Variants in DNAI7 observed in about 807,000 individuals in gnomAD.
The protein encoded by DNAI7 is dynein axonemal intermediate chain 7.
Under a neutral mutation model 86.6 loss-of-function variants are expected in DNAI7, and 78 were observed. The ratio of observed to expected loss-of-function variants is 0.90; its 90% CI spans 0.75 to 1.09. The LOEUF is 1.09. Among genes scored for constraint, DNAI7 ranks in the 50% least tolerant of loss-of-function variants. The probability of loss-of-function intolerance (pLI) is 0.00; values close to 1 mark genes in which losing one functional copy is unlikely to be tolerated. For synonymous variants in DNAI7, 274 were observed against 273.0 expected, an observed-to-expected ratio of 1.00 and a Z score of -0.04; for missense variants, 753 against 810.2, an observed-to-expected ratio of 0.93 and a Z score of 0.86.
chr12:25,129,194 T>A (rs1046258387), intron 9 of DNAI7, among the ~76,000 whole-genome samples: 1 of 152,206 alleles, frequency 6.6e-6, no homozygotes, highest in Non-Finnish European at 1.5e-5. Flanking sequence ...AAACAGGCCC[T>A]CCCTAACTAC....
intron 12 of DNAI7, among the ~76,000 whole-genome samples, chr12:25,118,387 C>T (rs1342662412): frequency 6.6e-6 from 1 of 152,076 alleles, no homozygotes; most frequent in African/African-American, 2.4e-5. Context: ...CCTCAGCCTG[C>T]GGAGTAGCTG....
chr12:25,188,421 C>G (rs1219856527), intron 2 of DNAI7, among the ~76,000 whole-genome samples: 1 of 151,954 alleles, frequency 6.6e-6, no homozygotes, highest in Non-Finnish European at 1.5e-5. Context: ...TAATTTTGTA[C>G]CATGTGTGTT....
chr12:25,170,760 T>A (rs183981360), intron 2 of DNAI7, among the ~76,000 whole-genome samples: 1 of 151,994 alleles, frequency 6.6e-6, no homozygotes, highest in Non-Finnish European at 1.5e-5. Flanking sequence ...TTTAAGAAAA[T>A]TGAAATTTTA....
At chr12:25,171,680 A>G (rs781288189) in intron 2 of DNAI7, among the ~76,000 whole-genome samples, 1 of 152,156 alleles carries the variant, frequency 6.6e-6, no homozygotes, top group Non-Finnish European at 1.5e-5. Flanking sequence ...AAATAAAACT[A>G]CAGACCAATA....
At chr12:25,117,128 T>C (rs530752109) in intron 12 of DNAI7, among the ~76,000 whole-genome samples, 32 of 151,996 alleles carry the variant, frequency 2.1e-4, no homozygotes, top group African/African-American at 7.5e-4. Flanking sequence ...GAGATGGTGT[T>C]TCTCCATGTT....
intron 6 of DNAI7, among the ~76,000 whole-genome samples, chr12:25,150,606 A>AAAC (rs1347118495): frequency 6.8e-6 from 1 of 147,468 alleles, no homozygotes; most frequent in Non-Finnish European, 1.5e-5. Context: ...TGTCTCAAAA[A>AAAC]AAAAAAAAAA....
Position 25,121,928 on chromosome 12 carries a change from A to T in DNAI7, c.1079-15T>A. 1 of 1,537,396 alleles carries T rather than the reference A, an allele frequency of 6.5e-7. No homozygotes were observed. The highest frequency in any genetic ancestry group is 8.7e-7 in the Non-Finnish European group (1 of 1,144,730). Reference sequence around the variant, plus strand: ...CAACAACTGTGCTAAAATTAATCAGATTAACAGTTTTCAAATAGATTACAG... The same window carrying T: ...CAACAACTGTGCTAAAATTAATCAGTTTAACAGTTTTCAAATAGATTACAG... On this transcript the variant is annotated splice_polypyrimidine_tract_variant and intron_variant, in intron 10 of 15. Coordinates refer to ENST00000395987, the MANE Select transcript of DNAI7 (RefSeq NM_018272.5).
rs144189531 is a variant in DNAI7, at chr12:25,128,620, T to C, written c.1003-5334A>G. 7.2e-5 allele frequency among the ~76,000 whole-genome samples: 11 copies of C among 152,322 alleles called. 1 individual carries two copies. In the East Asian group the frequency reaches 2.1e-3, roughly 29 times the overall value. On this transcript the variant is annotated intron_variant, in intron 9 of 15. Coordinates refer to ENST00000395987, the MANE Select transcript of DNAI7 (RefSeq NM_018272.5). ...AGAACTCTTTGTTTCACAGCCACTC[T>C]CAACTGTTTCACTCTATTTTTGTTC...
intron 3 of DNAI7, chr12:25,158,869 T>C: frequency 3.0e-6 from 1 of 338,720 alleles, no homozygotes. Flanking sequence ...ATCAGAGAAA[T>C]GCAAATCAAA....
chr12:25,140,096 T>C (rs1944003261), intron 9 of DNAI7, among the ~76,000 whole-genome samples: 1 of 152,072 alleles, frequency 6.6e-6, no homozygotes, highest in Non-Finnish European at 1.5e-5. Context: ...TTATACTGAA[T>C]AGGGAAACAT....
intron 10 of DNAI7, among the ~76,000 whole-genome samples, chr12:25,122,183 A>G (rs929039033): frequency 9.9e-5 from 15 of 152,176 alleles, no homozygotes; most frequent in Non-Finnish European, 1.6e-4. Flanking sequence ...AAATGAAAAC[A>G]GGCTGGGGGC....
At position 25,119,161 on chromosome 12, in the gene DNAI7, T is replaced by TA; in HGVS notation, c.1379dup (p.Arg461LysfsTer5). Reference sequence around the variant, plus strand: ...AAGCTGTACCTTCAGCATCCCACCTTACAACCACAGGATCCTCAAAAAAGA... The same window carrying TA: ...AAGCTGTACCTTCAGCATCCCACCTTAACAACCACAGGATCCTCAAAAAAGA... On this transcript the variant is annotated frameshift_variant, in exon 12 of 16. Coordinates refer to ENST00000395987, the MANE Select transcript of DNAI7 (RefSeq NM_018272.5). LOFTEE classifies it high-confidence loss of function. 1 of 1,604,742 alleles carries TA rather than the reference T, an allele frequency of 6.2e-7. No individual in the cohort carries two copies. The highest frequency in any genetic ancestry group is 8.5e-7 in the Non-Finnish European group (1 of 1,177,586).
intron 9 of DNAI7, among the ~76,000 whole-genome samples, chr12:25,132,424 T>C (rs892489923): frequency 1.3e-5 from 2 of 152,184 alleles, no homozygotes; most frequent in Admixed American, 6.5e-5. Context: ...GATCTTTCTA[T>C]AGAAAAGTAT....
At chr12:25,126,859 G>A (rs987710677) in intron 9 of DNAI7, among the ~76,000 whole-genome samples, 3 of 152,156 alleles carry the variant, frequency 2.0e-5, no homozygotes, top group African/African-American at 7.2e-5. Context: ...TTAAAAAGTT[G>A]AGAACTCTTC....
intron 15 of DNAI7, 91 bp from the exon 16 acceptor site, chr12:25,108,914 A>C (rs1949515952): frequency 1.3e-6 from 1 of 771,836 alleles, no homozygotes. Context: ...GGCTCAATTT[A>C]TCCCCCAAAA....
intron 3 of DNAI7, 154 bp downstream of exon 3, chr12:25,160,959 T>C (rs1018369945): frequency 5.4e-6 from 3 of 556,914 alleles, no homozygotes; most frequent in Non-Finnish European, 9.5e-6. Context: ...TACTAACATC[T>C]TTCTGGATAC....
rs547848759 is a variant in DNAI7 at position 25,150,752 on chromosome 12, T to C, written c.439-978A>G. ...TAAACCCTCGGATCTACCAGTTAAC[T>C]ATGTGTGACAGCTTTCATTAGCAAG... On this transcript the variant is annotated intron_variant, in intron 6 of 15. Coordinates refer to ENST00000395987, the MANE Select transcript of DNAI7 (RefSeq NM_018272.5). 2.2e-4 allele frequency among the ~76,000 whole-genome samples: 34 copies of C among 152,220 alleles called. 1 individual carries two copies. Among genetic ancestry groups the C allele is most frequent in the African/African-American group, 7.7e-4 (32 of 41,534 alleles).
chr12:25,176,445 TG>T (rs1315242742), intron 2 of DNAI7, among the ~76,000 whole-genome samples: 1 of 152,138 alleles, frequency 6.6e-6, no homozygotes, highest in African/African-American at 2.4e-5. Context: ...AAAATTTTCC[TG>T]GATGTACATC....
chr12:25,171,770 A>T (rs148568805), intron 2 of DNAI7, among the ~76,000 whole-genome samples: 4 of 152,356 alleles, frequency 2.6e-5, no homozygotes, highest in African/African-American at 9.6e-5. Context: ...AAGATAATTC[A>T]CCATGACCAG....
Sources: gnomAD v4.1 joint callset for allele counts (sites outside exome capture counted in the v4.1 genomes callset) on GRCh38, gnomAD v4.1.1 for gene constraint, MANE v1.5 for transcripts, NCBI Gene and HGNC (gene_info 2026-07-23, HGNC 2026-07-21) for gene names.